Variants in MTM1 observed in about 807,000 individuals in gnomAD.
MTM1 encodes the protein myotubularin 1.
In MTM1, 9 loss-of-function variants were observed where a neutral mutation model predicts 52.1. The ratio of observed to expected loss-of-function variants is 0.17; its 90% CI spans 0.10 to 0.30. MTM1 has a LOEUF of 0.30. Ranked by LOEUF, MTM1 falls within the 10% of genes least tolerant of loss-of-function variation. The probability of loss-of-function intolerance (pLI) is 1.00; values close to 1 mark genes in which losing one functional copy is unlikely to be tolerated. For missense variants in MTM1, 277 were observed against 470.7 expected (o/e 0.59, Z 3.81); for synonymous variants, 136 against 163.8 (o/e 0.83, Z 1.29).
rs1557412001 is a variant in MTM1, at chrX:150,583,413, AT to A, written c.-10-9190del. Among the ~76,000 whole-genome samples, 13 of 41,131 alleles carry A rather than the reference AT, an allele frequency of 3.2e-4. 4 individuals are homozygous for A. The highest frequency in any genetic ancestry group is 1.1e-3 in the Admixed American group (2 of 1,819). The allele number at this position is 41,131 out of a possible 115,157, so 35.7% of individuals were successfully genotyped here. On this transcript the variant is annotated intron_variant, in intron 1 of 14. Coordinates refer to ENST00000370396, the MANE Select transcript of MTM1 (RefSeq NM_000252.3). ...AATATATATAAATTATATATATTAT[AT>A]TATATATAATTATAAATATATAAAA... is the stretch of plus-strand genomic sequence containing the variant.
At chrX:150,606,264 AAAAAC>A (rs781995333) in intron 4 of MTM1, among the ~76,000 whole-genome samples, 52 of 111,301 alleles carry the variant, frequency 4.7e-4, no homozygotes, top group South Asian at 7.7e-4. Context: ...CTTCACATTA[AAAAAC>A]AAAACAAAAC....
intron 6 of MTM1, among the ~76,000 whole-genome samples, chrX:150,638,598 C>A (rs2039792868): frequency 1.8e-5 from 2 of 111,590 alleles, no homozygotes; most frequent in African/African-American, 6.5e-5. Flanking sequence ...TTCCTTCTTT[C>A]TTTTTAGTGG....
At chrX:150,599,559 T>C (rs782541560) in intron 4 of MTM1, among the ~76,000 whole-genome samples, 1 of 112,560 alleles carries the variant, frequency 8.9e-6, no homozygotes, top group Admixed American at 9.4e-5. Context: ...TTTATTGCTT[T>C]TACCCCACCA....
At chrX:150,593,171 A>G (rs2038916985) in intron 2 of MTM1, among the ~76,000 whole-genome samples, 1 of 111,975 alleles carries the variant, frequency 8.9e-6, no homozygotes, top group Non-Finnish European at 1.9e-5. Flanking sequence ...ACAATACCTT[A>G]TATGTGTTAA....
At chrX:150,652,696 TAC>T (rs1379364072) in intron 10 of MTM1, among the ~76,000 whole-genome samples, 6 of 68,354 alleles carry the variant, frequency 8.8e-5, no homozygotes, top group Non-Finnish European at 1.9e-4. Flanking sequence ...CACACACACA[TAC>T]ATACAGAATT....
intron 1 of MTM1, among the ~76,000 whole-genome samples, chrX:150,570,052 A>G (rs1256704644): frequency 8.9e-6 from 1 of 111,804 alleles, no homozygotes; most frequent in Non-Finnish European, 1.9e-5. Flanking sequence ...TGTAGATTCT[A>G]GTGTAGTTAG....
At position 150,667,514 on chromosome X, in the gene MTM1, C is replaced by T. The variant is rs1012273374; in HGVS notation, c.1644+3905C>T. 6.3e-4 allele frequency among the ~76,000 whole-genome samples: 71 copies of T among 111,884 alleles called. 1 individual carries two copies. Among genetic ancestry groups the T allele is most frequent in the African/African-American group, 2.2e-3 (69 of 30,787 alleles). On this transcript the variant is annotated intron_variant, in intron 14 of 14. Transcript: ENST00000370396. The stretch of plus-strand genomic sequence containing the variant: ...AGGCCATAAAAATAGGTATTTGGGC[C>T]TCCTTTGTTCACTGCTGGATCCTGA...
At chrX:150,627,729 G>C (rs2039594209) in intron 6 of MTM1, among the ~76,000 whole-genome samples, 1 of 111,821 alleles carries the variant, frequency 8.9e-6, no homozygotes, top group Admixed American at 9.5e-5. Context: ...ATTATTGCCT[G>C]CAAATTCCTC....
intron 3 of MTM1, among the ~76,000 whole-genome samples, chrX:150,598,258 A>G (rs1163410041): frequency 2.1e-4 from 24 of 112,083 alleles, no homozygotes; most frequent in Non-Finnish European, 1.9e-5. Flanking sequence ...AAGTAGCTCA[A>G]ATAGTTACCT....
rs782228119 is a variant in MTM1, at chrX:150,669,590, G to A, written c.1645-1838G>A. Among the ~76,000 whole-genome samples, 6 of 111,808 alleles carry A rather than the reference G, an allele frequency of 5.4e-5. No homozygotes were observed. The East Asian group carries it at 8.4e-4, about 16-fold the overall frequency. ...CTGGCATGAGATGGTATCTCACTGCGGTTTTGATTTGCATTTCTCTGATGA... is the reference window on the plus strand; with the variant it reads ...CTGGCATGAGATGGTATCTCACTGCAGTTTTGATTTGCATTTCTCTGATGA... On this transcript the variant is annotated intron_variant, in intron 14 of 14. Coordinates refer to ENST00000370396, the MANE Select transcript of MTM1 (RefSeq NM_000252.3).
At chrX:150,588,332 A>G (rs1476205670) in intron 1 of MTM1, among the ~76,000 whole-genome samples, 1 of 111,978 alleles carries the variant, frequency 8.9e-6, no homozygotes, top group African/African-American at 3.2e-5. Flanking sequence ...AAAAGTTCAG[A>G]AAAACCACTC....
chrX:150,563,225 GAGAT>G, the MTM1 span, among the ~76,000 whole-genome samples: 8 of 106,814 alleles, frequency 7.5e-5, no homozygotes, highest in South Asian at 2.7e-3. Flanking sequence ...CAACCAAAAA[GAGAT>G]AGACAATTCT....
chrX:150,649,720 C>T lies in MTM1; in HGVS notation c.872C>T (p.Thr291Ile). ...PSVNAVANKA[T>I]GGGYESDDAY... is the part of the protein sequence containing the mutation. The stretch of plus-strand genomic sequence containing the variant: ...GTATTTCATGTTGTTTCTTAGGCAA[C>T]AGGAGGAGGATATGAAAGTGATGAT... The change falls in exon 10 of 15, where the codon ACA becomes ATA. Residue 291 changes from threonine (T) to isoleucine (I), a missense_variant. Thr to Ile is a moderately conservative substitution (Grantham distance 89). This residue lies in a region of MTM1 where 164 missense variants were observed against 283.3 expected (regional missense o/e 0.58). Coordinates refer to ENST00000370396, the MANE Select transcript of MTM1 (RefSeq NM_000252.3). 14 of 1,206,118 alleles carry T rather than the reference C, an allele frequency of 1.2e-5. No individual in the cohort carries two copies. Among genetic ancestry groups the T allele is most frequent in the Non-Finnish European group, 1.6e-5 (14 of 890,967 alleles).
At chrX:150,596,996 T>C (rs1385891499) in intron 3 of MTM1, 4 of 128,258 alleles carry the variant, frequency 3.1e-5, no homozygotes, top group African/African-American at 1.3e-4. Flanking sequence ...TAAAATATCT[T>C]TCATTCGTCA....
intron 9 of MTM1, among the ~76,000 whole-genome samples, chrX:150,646,861 T>C (rs1323350749): frequency 8.9e-6 from 1 of 112,195 alleles, no homozygotes; most frequent in African/African-American, 3.2e-5. Flanking sequence ...ATCTGTGATA[T>C]CTGTCTGGAC....
intron 1 of MTM1, among the ~76,000 whole-genome samples, chrX:150,583,473 TA>T (rs1244273580): frequency 1.7e-4 from 5 of 29,979 alleles, no homozygotes; most frequent in African/African-American, 4.9e-4. Context: ...TAAATATATA[TA>T]AATTATATAT....
At position 150,583,382 on chromosome X, in the gene MTM1, T is replaced by A. The variant is rs868922658; in HGVS notation, c.-10-9223T>A. 1.9e-4 allele frequency among the ~76,000 whole-genome samples: 3 copies of A among 15,807 alleles called. 1 individual carries two copies. In the African/African-American group the frequency reaches 2.1e-3, roughly 11 times the overall value. 13.7% of individuals were successfully genotyped at this position (15,807 alleles called of 115,157 possible). A position where few individuals can be genotyped will look rare whatever the true frequency, so the allele number is the denominator to read the frequency against. ...ATATATAAATTATATATATTATATA[T>A]AATATAATATATATAAATTATATAT... On this transcript the variant is annotated intron_variant, in intron 1 of 14. Coordinates refer to ENST00000370396, the MANE Select transcript of MTM1 (RefSeq NM_000252.3).
intron 14 of MTM1, among the ~76,000 whole-genome samples, chrX:150,670,302 A>G (rs782804583): frequency 8.0e-5 from 9 of 112,166 alleles, no homozygotes; most frequent in Non-Finnish European, 1.5e-4. Context: ...TTACTCATCA[A>G]AGTAGTCACC....
Position 150,658,842 on chromosome X carries a change from CTTGT to C in MTM1, c.1261-799_1261-796del, listed in dbSNP as rs781882957. ...TAGAAAGAATCATTGTGTTTTTTTG[CTTGT>C]TTGTTTGTTTGTTTGTTTGTTTTTG... is the stretch of plus-strand genomic sequence containing the variant. On this transcript the variant is annotated intron_variant, in intron 11 of 14. Transcript: ENST00000370396. Among the ~76,000 whole-genome samples, 57 of 111,119 alleles carry C rather than the reference CTTGT, an allele frequency of 5.1e-4. 2 individuals are homozygous for C. The highest frequency in any genetic ancestry group is 3.0e-3 in the South Asian group (8 of 2,681).
Sources: allele counts gnomAD v4.1 joint callset (sites outside exome capture counted in the v4.1 genomes callset), GRCh38; gene constraint gnomAD v4.1.1; regional missense constraint gnomAD v4.1.1; transcripts MANE v1.5; gene names NCBI Gene and HGNC (gene_info 2026-07-23, HGNC 2026-07-21).